The following SLC14A2 variants were observed in gnomAD, a reference collection of about 807,000 sequenced individuals.
SLC14A2 encodes solute carrier family 14 member 2.
A neutral mutation model predicts 104.6 loss-of-function variants in SLC14A2; 91 were observed. The ratio of observed to expected loss-of-function variants is 0.87; its 90% CI spans 0.73 to 1.04. The LOEUF (loss-of-function observed/expected upper bound fraction) is 1.04. SLC14A2 is among the 50% of genes least tolerant of loss of function. The probability of loss-of-function intolerance (pLI) is 0.00; values close to 1 mark genes in which losing one functional copy is unlikely to be tolerated. For missense variants in SLC14A2, 1,189 were observed against 1,156.0 expected, an observed-to-expected ratio of 1.03 and a Z score of -0.41; for synonymous variants, 476 against 466.4, an observed-to-expected ratio of 1.02 and a Z score of -0.27.
At chr18:45,257,028 T>A (rs1386115378) in intron 1 of SLC14A2, among the ~76,000 whole-genome samples, 2 of 152,250 alleles carry the variant, frequency 1.3e-5, no homozygotes, top group Non-Finnish European at 2.9e-5. Flanking sequence ...TTGTTTACAT[T>A]TCTATAGACA....
At chr18:45,478,824 AC>A (rs1197131449) in intron 1 of SLC14A2, among the ~76,000 whole-genome samples, 1 of 152,134 alleles carries the variant, frequency 6.6e-6, no homozygotes, top group African/African-American at 2.4e-5. Context: ...TTAAAGTGGA[AC>A]CTATCTTCTC....
chr18:45,226,722 G>A (rs928356752), intron 1 of SLC14A2, among the ~76,000 whole-genome samples: 11 of 151,626 alleles, frequency 7.3e-5, no homozygotes, highest in Non-Finnish European at 1.0e-4. Flanking sequence ...TGTAAATGAC[G>A]AGTTAATGGG....
chr18:45,641,490 T>C, intron 8 of SLC14A2, 147 bp downstream of exon 8: 1 of 837,236 alleles, frequency 1.2e-6, no homozygotes, highest in Non-Finnish European at 1.9e-6. Flanking sequence ...GTGCTGCCCT[T>C]AACAGCTGGG....
At chr18:45,613,183 C>T (rs9959100), upstream of SLC14A2, among the ~76,000 whole-genome samples, 3,706 of 152,106 alleles carry the variant, frequency 0.024, 149 homozygotes, top group African/African-American at 0.085. Flanking sequence ...TACAGGCGCC[C>T]GCCACCATGC....
At chr18:45,213,147 G>T (rs931947848) in exon 1 of SLC14A2, 3 of 152,140 alleles carry the variant, frequency 2.0e-5, no homozygotes, top group African/African-American at 7.2e-5. Context: ...CAAGGAAAAG[G>T]CTTGGAGCAC....
At chr18:45,186,382 G>A in the SLC14A2 span, among the ~76,000 whole-genome samples, 1 of 151,940 alleles carries the variant, frequency 6.6e-6, no homozygotes, top group East Asian at 1.9e-4. Context: ...TTCCATATAT[G>A]GTACGAAACA....
intron 5 of SLC14A2, chr18:45,634,843 G>C (rs569487933): frequency 6.6e-6 from 3 of 457,262 alleles, no homozygotes; most frequent in South Asian, 1.5e-5. Flanking sequence ...ATTTTAACTG[G>C]AGTAAGAGTG....
At position 45,673,966 on chromosome 18, in the gene SLC14A2, G is replaced by C. The variant is rs1008988536; in HGVS notation, c.2512+149G>C. ...CAACGTTCAGTCACATGAAGACGGT[G>C]GTGGAGGTTTGATTGTTGTTCCTGG... On this transcript the variant is annotated intron_variant, in intron 18 of 19. Transcript: ENST00000255226. 4 of 893,812 alleles carry C rather than the reference G, an allele frequency of 4.5e-6. No homozygotes were observed. The African/African-American group carries it at 6.7e-5, about 15-fold the overall frequency. The allele number at this position is 893,812 out of a possible 1,614,324, so 55.4% of individuals were successfully genotyped here. A position where few individuals can be genotyped will look rare whatever the true frequency, so the allele number is the denominator to read the frequency against.
At chr18:45,484,220 T>G (rs2087552500) in intron 2 of SLC14A2, among the ~76,000 whole-genome samples, 1 of 152,130 alleles carries the variant, frequency 6.6e-6, no homozygotes, top group South Asian at 2.1e-4. Context: ...AAGGAGAAAA[T>G]GAAGATGACA....
intron 2 of SLC14A2, among the ~76,000 whole-genome samples, chr18:45,488,274 A>C (rs1222078751): frequency 6.6e-6 from 1 of 152,184 alleles, no homozygotes; most frequent in Admixed American, 6.5e-5. Context: ...GAGGAAAAAA[A>C]CAAGCAGATT....
intron 1 of SLC14A2, among the ~76,000 whole-genome samples, chr18:45,281,430 G>T (rs1286716781): frequency 6.6e-6 from 1 of 152,172 alleles, no homozygotes; most frequent in Non-Finnish European, 1.5e-5. Flanking sequence ...CATGTTACAT[G>T]AACAACAAAA....
At chr18:45,477,754 C>T (rs1699716912) in intron 1 of SLC14A2, among the ~76,000 whole-genome samples, 1 of 151,918 alleles carries the variant, frequency 6.6e-6, no homozygotes, top group Non-Finnish European at 1.5e-5. Context: ...CCACTGAGTC[C>T]AAACTTCCTG....
intron 2 of SLC14A2, among the ~76,000 whole-genome samples, chr18:45,514,121 T>G (rs2043404947): frequency 6.6e-6 from 1 of 152,210 alleles, no homozygotes; most frequent in Admixed American, 6.5e-5. Flanking sequence ...TATTAGGCCA[T>G]TCTTACACTG....
intron 1 of SLC14A2, among the ~76,000 whole-genome samples, chr18:45,357,344 G>T (rs554667032): frequency 7.3e-5 from 11 of 151,618 alleles, no homozygotes; most frequent in Middle Eastern, 3.4e-3. Context: ...AGGCATGGTG[G>T]CTCACGCCTG....
At chr18:45,229,736 A>G (rs1233142195) in intron 1 of SLC14A2, among the ~76,000 whole-genome samples, 2 of 152,176 alleles carry the variant, frequency 1.3e-5, no homozygotes, top group African/African-American at 2.4e-5. Flanking sequence ...TGAGCCACAT[A>G]GTGGTCTCAA....
chr18:45,218,347 T>C (rs1364102938), intron 1 of SLC14A2, among the ~76,000 whole-genome samples: 1 of 152,232 alleles, frequency 6.6e-6, no homozygotes, highest in Non-Finnish European at 1.5e-5. Flanking sequence ...AGAATTTACT[T>C]CCTTTTCAAG....
chr18:45,315,775 G>A (rs564282186), intron 1 of SLC14A2, among the ~76,000 whole-genome samples: 40 of 152,262 alleles, frequency 2.6e-4, no homozygotes, highest in African/African-American at 9.1e-4. Context: ...CTCCTTCAAG[G>A]TTCTCCTGAA....
chr18:45,626,009 G>C (rs1309964619), intron 3 of SLC14A2, 146 bp downstream of exon 3: 2 of 508,250 alleles, frequency 3.9e-6, no homozygotes, highest in Non-Finnish European at 3.2e-6. Flanking sequence ...CCCAGGGCTG[G>C]AGTCCACAGC....
At chr18:45,662,703 G>A (rs8087767) in intron 10 of SLC14A2, among the ~76,000 whole-genome samples, 6,037 of 152,200 alleles carry the variant, frequency 0.04, 397 homozygotes, top group African/African-American at 0.14. Context: ...TCAAGGCACT[G>A]CTGAAAAGGC....
Sources: allele counts gnomAD v4.1 joint callset (sites outside exome capture counted in the v4.1 genomes callset), GRCh38; gene constraint gnomAD v4.1.1; transcripts MANE v1.5; gene names NCBI Gene and HGNC (gene_info 2026-07-23, HGNC 2026-07-21).